The following RALYL variants were observed in gnomAD, a reference collection of about 807,000 sequenced individuals.
RALYL encodes the protein RNA-binding Raly-like protein.
Under a neutral mutation model 35.1 loss-of-function variants are expected in RALYL, and 29 were observed. The ratio of observed to expected loss-of-function variants is 0.83; its 90% CI spans 0.61 to 1.13. The LOEUF is 1.13. Among genes scored for constraint, RALYL ranks in the 50% most tolerant of loss-of-function variants. RALYL has a pLI of 0.00. For missense variants in RALYL, 359 were observed against 360.4 expected, an observed-to-expected ratio of 1.00 and a Z score of 0.03; for synonymous variants, 120 against 127.6, an observed-to-expected ratio of 0.94 and a Z score of 0.40.
chr8:84,881,736 G>T (rs1053854984), intron 7 of RALYL, among the ~76,000 whole-genome samples: 2 of 151,828 alleles, frequency 1.3e-5, no homozygotes, highest in African/African-American at 4.8e-5. Flanking sequence ...CCTGTAATTT[G>T]TACTTCTTTT....
intron 2 of RALYL, among the ~76,000 whole-genome samples, chr8:84,695,031 T>C (rs1008890657): frequency 2.5e-4 from 38 of 151,822 alleles, no homozygotes; most frequent in African/African-American, 9.2e-4. Flanking sequence ...TGAAGTATAA[T>C]TAACGTCAGA....
intron 2 of RALYL, among the ~76,000 whole-genome samples, chr8:84,542,626 T>A (rs1282248028): frequency 6.6e-6 from 1 of 152,174 alleles, no homozygotes; most frequent in African/African-American, 2.4e-5. Context: ...AGGCTGTGTT[T>A]GCTTTTCCTT....
chr8:84,356,885 T>TTCA (rs1214568520), intron 1 of RALYL, among the ~76,000 whole-genome samples: 3,285 of 143,126 alleles, frequency 0.023, 169 homozygotes, highest in African/African-American at 0.033. Context: ...CTTGCAAATA[T>TTCA]ATATATAGAA....
At chr8:84,460,246 T>C (rs1199183698) in intron 1 of RALYL, among the ~76,000 whole-genome samples, 1 of 151,746 alleles carries the variant, frequency 6.6e-6, no homozygotes, top group Non-Finnish European at 1.5e-5. Context: ...GAAGTCTAAA[T>C]GGGTAGAATG....
chr8:84,848,615 A>G (rs1835167158), intron 4 of RALYL, among the ~76,000 whole-genome samples: 1 of 152,168 alleles, frequency 6.6e-6, no homozygotes, highest in African/African-American at 2.4e-5. Context: ...TTGTATTTGT[A>G]TTAATGACAG....
chr8:84,362,795 G>A (rs746156033), intron 1 of RALYL, among the ~76,000 whole-genome samples: 11 of 152,022 alleles, frequency 7.2e-5, no homozygotes, highest in Non-Finnish European at 1.6e-4. Flanking sequence ...ACAGCACCTT[G>A]GCTAGTCCCA....
At chr8:84,194,093 A>G (rs1377117065) in intron 1 of RALYL, among the ~76,000 whole-genome samples, 1 of 152,230 alleles carries the variant, frequency 6.6e-6, no homozygotes, top group Non-Finnish European at 1.5e-5. Flanking sequence ...AGCGTTTGAC[A>G]GTGGAACATC....
intron 2 of RALYL, among the ~76,000 whole-genome samples, chr8:84,754,755 G>T (rs1395792551): frequency 1.3e-5 from 2 of 152,126 alleles, no homozygotes; most frequent in Admixed American, 6.5e-5. Context: ...AGAGAGATGA[G>T]GAGGAATGAT....
chr8:84,869,405 TAAC>T lies in RALYL; in HGVS notation c.572-3876_572-3874del, dbSNP rs367938581. On this transcript the variant is annotated intron_variant, in intron 6 of 8. Coordinates refer to ENST00000521268, the MANE Select transcript of RALYL (RefSeq NM_173848.7). ...ATGTATAATGGCTGGGGAAAATAAATAACAAATTAATGTGATTTACTGTCAAAG... is the reference window on the plus strand; with the variant it reads ...ATGTATAATGGCTGGGGAAAATAAATAAATTAATGTGATTTACTGTCAAAG... Among the ~76,000 whole-genome samples, 1,291 of 152,252 alleles carry T rather than the reference TAAC, an allele frequency of 8.5e-3. 16 individuals carry two copies. The highest frequency in any genetic ancestry group is 0.034 in the Middle Eastern group (10 of 294).
At chr8:84,239,628 C>T (rs192022282) in intron 1 of RALYL, among the ~76,000 whole-genome samples, 2 of 152,070 alleles carry the variant, frequency 1.3e-5, no homozygotes, top group Middle Eastern at 3.4e-3. Context: ...TGGTGGCTCA[C>T]GCCTGTAGTC....
chr8:84,344,859 G>T (rs997647436), intron 1 of RALYL, among the ~76,000 whole-genome samples: 5 of 151,822 alleles, frequency 3.3e-5, no homozygotes, highest in Non-Finnish European at 4.4e-5. Context: ...TCATGTTGTT[G>T]CAAATTATAG....
intron 4 of RALYL, among the ~76,000 whole-genome samples, chr8:84,821,081 A>G (rs950046669): frequency 3.3e-5 from 5 of 152,226 alleles, no homozygotes; most frequent in African/African-American, 1.2e-4. Context: ...TTACTTGAAG[A>G]GAACTCATTT....
intron 2 of RALYL, among the ~76,000 whole-genome samples, chr8:84,703,098 A>G (rs1840499550): frequency 6.6e-6 from 1 of 151,886 alleles, no homozygotes; most frequent in Non-Finnish European, 1.5e-5. Context: ...CCCAGGTTCC[A>G]CTTTCACCAA....
chr8:84,244,275 G>A (rs1427167291), intron 1 of RALYL, among the ~76,000 whole-genome samples: 1 of 152,078 alleles, frequency 6.6e-6, no homozygotes, highest in Admixed American at 6.6e-5. Context: ...AGAAACATAA[G>A]AATACAGAAT....
intron 2 of RALYL, among the ~76,000 whole-genome samples, chr8:84,541,366 T>C (rs970044873): frequency 1.3e-5 from 2 of 152,026 alleles, no homozygotes; most frequent in African/African-American, 4.8e-5. Flanking sequence ...CATGGGTTAT[T>C]GAGAGGTTTG....
At chr8:84,527,691 T>C (rs1462035439) in intron 1 of RALYL, among the ~76,000 whole-genome samples, 2 of 152,106 alleles carry the variant, frequency 1.3e-5, no homozygotes, top group Non-Finnish European at 1.5e-5. Context: ...AATTGCAAGA[T>C]AAAAAAATAT....
intron 3 of RALYL, among the ~76,000 whole-genome samples, chr8:84,803,802 G>A (rs1018628147): frequency 5.3e-5 from 8 of 152,148 alleles, no homozygotes; most frequent in Non-Finnish European, 5.9e-5. Flanking sequence ...TAGTGCCTTC[G>A]TTGTTTGGAC....
intron 1 of RALYL, among the ~76,000 whole-genome samples, chr8:84,445,379 A>T (rs900774685): frequency 1.3e-5 from 2 of 151,920 alleles, no homozygotes; most frequent in African/African-American, 4.8e-5. Flanking sequence ...TTCTAGAAAA[A>T]ATGTAAGTGA....
chr8:84,512,991 T>A (rs711043), intron 1 of RALYL, among the ~76,000 whole-genome samples: 146,131 of 152,236 alleles, frequency 0.96, 70,181 homozygotes, highest in East Asian at 1. Context: ...TTTTCTCGGG[T>A]TTGCTTTGGC....
Sources: allele counts gnomAD v4.1 joint callset (sites outside exome capture counted in the v4.1 genomes callset), GRCh38; gene constraint gnomAD v4.1.1; transcripts MANE v1.5; gene names NCBI Gene and HGNC (gene_info 2026-07-23, HGNC 2026-07-21).